The following DACH2 variants were observed in gnomAD, a reference collection of about 807,000 sequenced individuals.
DACH2 encodes dachshund homolog 2.
A neutral mutation model predicts 35.8 loss-of-function variants in DACH2; 17 were observed. The ratio of observed to expected loss-of-function variants is 0.48; its 90% CI spans 0.33 to 0.71. The LOEUF (loss-of-function observed/expected upper bound fraction) is 0.71, where lower values mean the gene tolerates loss of function less well. DACH2 is among the 30% of genes least tolerant of loss of function. DACH2 has a pLI of 0.02. For missense variants in DACH2, 469 were observed against 472.7 expected, an observed-to-expected ratio of 0.99 and a Z score of 0.07; for synonymous variants, 195 against 177.3, an observed-to-expected ratio of 1.10 and a Z score of -0.79.
chrX:86,463,228 C>A (rs1041066058), intron 2 of DACH2, among the ~76,000 whole-genome samples: 6 of 110,091 alleles, frequency 5.5e-5, no homozygotes, highest in African/African-American at 2.0e-4. Flanking sequence ...AAAAACTGTA[C>A]TAAAATCATG....
At chrX:86,546,404 C>CCTTCTTCTTCCTT (rs1556304123) in intron 3 of DACH2, among the ~76,000 whole-genome samples, 1 of 21,691 alleles carries the variant, frequency 4.6e-5, no homozygotes, top group East Asian at 1.5e-3. Context: ...TCTTCTTCTT[C>CCTTCTTCTTCCTT]CTTCTTCTTC....
chrX:86,481,161 C>A (rs1319511303), intron 2 of DACH2: 1 of 111,948 alleles, frequency 8.9e-6, no homozygotes, highest in Non-Finnish European at 1.9e-5. Flanking sequence ...AGACAAATTG[C>A]CACCTCCTTT....
At chrX:86,425,563 T>C (rs1266354388) in intron 2 of DACH2, among the ~76,000 whole-genome samples, 4 of 111,552 alleles carry the variant, frequency 3.6e-5, no homozygotes, top group Non-Finnish European at 7.6e-5. Flanking sequence ...ATTTGGATCT[T>C]CTCTCTTTTT....
intron 1 of DACH2, among the ~76,000 whole-genome samples, chrX:86,320,163 G>A (rs768216533): frequency 8.1e-5 from 9 of 111,452 alleles, no homozygotes; most frequent in Middle Eastern, 4.6e-3. Flanking sequence ...TTTCATGCAT[G>A]CACCAAGGGT....
chrX:86,444,267 T>A (rs781101294), intron 2 of DACH2, among the ~76,000 whole-genome samples: 26 of 110,455 alleles, frequency 2.4e-4, no homozygotes, highest in African/African-American at 7.6e-4. Flanking sequence ...TATTATTATT[T>A]TTTGTAGAGA....
Position 86,315,768 on chromosome X carries a change from C to A in DACH2, c.489-61056C>A, listed in dbSNP as rs148531761. 3.4e-3 allele frequency among the ~76,000 whole-genome samples: 359 copies of A among 104,755 alleles called. 3 individuals are homozygous for A. The highest frequency in any genetic ancestry group is 0.012 in the African/African-American group (347 of 28,541). The allele number at this position is 104,755 out of a possible 115,157, so 91.0% of individuals were successfully genotyped here. ...ATACTGAGGTTCTTGCTCTCACGGC[C>A]AAGGAAATTGAGGGTCGTGGACACA... On this transcript the variant is annotated intron_variant, in intron 1 of 11. Coordinates refer to ENST00000373125, the MANE Select transcript of DACH2 (RefSeq NM_053281.3).
At chrX:86,757,232 T>C (rs1307282218) in intron 7 of DACH2, among the ~76,000 whole-genome samples, 1 of 111,655 alleles carries the variant, frequency 9.0e-6, no homozygotes, top group African/African-American at 3.3e-5. Context: ...ACCCCTATGT[T>C]GATTGTAGCA....
intron 3 of DACH2, among the ~76,000 whole-genome samples, chrX:86,647,015 A>C (rs1245716326): frequency 9.1e-6 from 1 of 110,035 alleles, no homozygotes; most frequent in African/African-American, 3.3e-5. Context: ...ATTTTTAAAA[A>C]TATATATAAG....
chrX:86,789,803 C>T (rs1024959975), intron 7 of DACH2, among the ~76,000 whole-genome samples: 1 of 111,692 alleles, frequency 9.0e-6, no homozygotes, highest in African/African-American at 3.3e-5. Context: ...ATAGAGGTAA[C>T]ATTTTTGCAT....
At chrX:86,542,235 C>T (rs2038894389) in intron 3 of DACH2, among the ~76,000 whole-genome samples, 1 of 111,180 alleles carries the variant, frequency 9.0e-6, no homozygotes, top group African/African-American at 3.3e-5. Context: ...GGTTTGTCCC[C>T]ACCATAACTC....
At chrX:86,438,297 C>G (rs768425520) in intron 2 of DACH2, among the ~76,000 whole-genome samples, 1 of 101,945 alleles carries the variant, frequency 9.8e-6, no homozygotes, top group African/African-American at 3.7e-5. Context: ...GATCTTGGCT[C>G]ACTTCAACCT....
rs755772390 is a variant in DACH2, at chrX:86,805,386, C to T, written c.1241-7470C>T. On this transcript the variant is annotated intron_variant, in intron 7 of 11. Coordinates refer to ENST00000373125, the MANE Select transcript of DACH2 (RefSeq NM_053281.3). ...GCTGTGTGGCCCTGGGCCTGGCCCACGAAATCATGTTTTCCCTCCTAGGCC... is the reference window on the plus strand; with the variant it reads ...GCTGTGTGGCCCTGGGCCTGGCCCATGAAATCATGTTTTCCCTCCTAGGCC... 2.2e-3 allele frequency among the ~76,000 whole-genome samples: 246 copies of T among 112,584 alleles called. 1 individual carries two copies. Among genetic ancestry groups the T allele is most frequent in the African/African-American group, 7.4e-3 (231 of 31,079 alleles).
At chrX:86,749,946 T>A (rs560747658) in intron 7 of DACH2, among the ~76,000 whole-genome samples, 1 of 111,528 alleles carries the variant, frequency 9.0e-6, no homozygotes, top group Non-Finnish European at 1.9e-5. Flanking sequence ...CTTTATTAAT[T>A]TTTTTAGCTT....
intron 3 of DACH2, among the ~76,000 whole-genome samples, chrX:86,556,783 TATATATATATATAG>T (rs1170952239): frequency 6.8e-3 from 388 of 56,840 alleles, no homozygotes; most frequent in East Asian, 0.027. Context: ...TATATATATA[TATATATATATATAG>T]AGAGAGAGAG....
rs188715209 is a variant in DACH2 at position 86,237,454 on chromosome X, C to T, written c.488+88346C>T. ...TTTTACACCAGCATCACCACAAACA[C>T]GTGAGTAATGTATTAAATCATGACA... On this transcript the variant is annotated intron_variant, in intron 1 of 11. Coordinates refer to ENST00000373125, the MANE Select transcript of DACH2 (RefSeq NM_053281.3). Among the ~76,000 whole-genome samples the T allele has an allele frequency of 1.2e-4, 13 of 111,387 alleles. No individual in the cohort carries two copies. The East Asian group carries it at 3.7e-3, about 32-fold the overall frequency.
At chrX:86,724,669 T>G (rs917357750) in intron 6 of DACH2, among the ~76,000 whole-genome samples, 1 of 111,727 alleles carries the variant, frequency 9.0e-6, no homozygotes, top group African/African-American at 3.3e-5. Context: ...TATGGTGTGG[T>G]GAAGTCCTTT....
intron 1 of DACH2, among the ~76,000 whole-genome samples, chrX:86,199,642 G>A (rs2032093394): frequency 9.0e-6 from 1 of 111,643 alleles, no homozygotes; most frequent in South Asian, 3.7e-4. Context: ...GCCAAATCAG[G>A]AATTCAATCC....
intron 2 of DACH2, among the ~76,000 whole-genome samples, chrX:86,502,642 G>T (rs1294793258): frequency 9.0e-6 from 1 of 111,681 alleles, no homozygotes; most frequent in Non-Finnish European, 1.9e-5. Context: ...TGCCTTCAGG[G>T]AATGTTATTT....
chrX:86,204,374 C>T (rs2147905706), intron 1 of DACH2, among the ~76,000 whole-genome samples: 1 of 112,080 alleles, frequency 8.9e-6, no homozygotes, highest in African/African-American at 3.2e-5. Context: ...TCTCAAAAGG[C>T]TAAGATATCA....
Sources: allele counts gnomAD v4.1 joint callset (sites outside exome capture counted in the v4.1 genomes callset), GRCh38; gene constraint gnomAD v4.1.1; transcripts MANE v1.5; gene names NCBI Gene and HGNC (gene_info 2026-07-23, HGNC 2026-07-21).